DRC4: variants seen among roughly 807,000 people sequenced by gnomAD.
DRC4 encodes GAS-11.
chr16:90,026,851 G>T, the DRC4 span, among the ~76,000 whole-genome samples: 1 of 146,802 alleles, frequency 6.8e-6, no homozygotes, highest in Non-Finnish European at 1.5e-5. Flanking sequence ...CCTGGTCACC[G>T]TATACCAAGG....
chr16:90,032,820 C>T, the DRC4 span: 1 of 1,613,932 alleles, frequency 6.2e-7, no homozygotes, highest in Non-Finnish European at 8.5e-7. Context: ...ACAGAAAGAG[C>T]ACCGCATACA....
the DRC4 span, chr16:90,031,440 C>G: frequency 6.2e-6 from 10 of 1,607,888 alleles, no homozygotes; most frequent in Non-Finnish European, 8.5e-6. Context: ...GGCTGAGCTG[C>G]GGAACAAAGA....
chr16:90,029,432 A>G, the DRC4 span: 3 of 787,948 alleles, frequency 3.8e-6, no homozygotes, highest in South Asian at 1.6e-5. Flanking sequence ...GGATATTTAT[A>G]AGAAATCTGA....
the DRC4 span, among the ~76,000 whole-genome samples, chr16:90,028,172 C>CTTTTTTTTTT: frequency 1.3e-5 from 1 of 75,006 alleles, no homozygotes; most frequent in African/African-American, 5.2e-5. Context: ...ATTAATCGTT[C>CTTTTTTTTTT]ATTTTTTTTT....
At chr16:90,032,307 C>T in the DRC4 span, among the ~76,000 whole-genome samples, 1 of 148,128 alleles carries the variant, frequency 6.8e-6, no homozygotes, top group African/African-American at 2.5e-5. Context: ...AGGTGTGGTA[C>T]AGGTGTGGTG....
At chr16:90,044,542 C>T in the DRC4 span, 102,980 of 471,078 alleles carry the variant, frequency 0.22, 14,738 homozygotes, top group African/African-American at 0.55. Context: ...CCTCTTCCTC[C>T]AGTAGCCCTC....
the DRC4 span, chr16:90,043,908 T>A: frequency 2.2e-6 from 1 of 450,400 alleles, no homozygotes; most frequent in African/African-American, 2.0e-5. Context: ...GCTGCCAGTC[T>A]TCGCTCTAAC....
the DRC4 span, among the ~76,000 whole-genome samples, chr16:90,039,110 G>A: frequency 6.6e-6 from 1 of 152,236 alleles, no homozygotes; most frequent in Non-Finnish European, 1.5e-5. Context: ...CCTAAGGGAA[G>A]GGCACCTGCA....
At chr16:90,043,241 T>G in the DRC4 span, 3 of 1,613,666 alleles carry the variant, frequency 1.9e-6, no homozygotes, top group Non-Finnish European at 2.5e-6. Context: ...GCTGCTGGCC[T>G]TCGGGATCCC....
the DRC4 span, among the ~76,000 whole-genome samples, chr16:90,033,163 G>GA: frequency 2.0e-5 from 3 of 152,022 alleles, no homozygotes; most frequent in African/African-American, 7.3e-5. Flanking sequence ...TCACCGAAGA[G>GA]AAAAAATCCA....
At chr16:90,023,306 C>A in the DRC4 span, among the ~76,000 whole-genome samples, 1 of 152,192 alleles carries the variant, frequency 6.6e-6, no homozygotes, top group Non-Finnish European at 1.5e-5. Flanking sequence ...CCTTGGAAAG[C>A]CTGGCAGGAG....
the DRC4 span, chr16:90,044,670 C>A: frequency 2.2e-6 from 1 of 464,402 alleles, no homozygotes; most frequent in South Asian, 1.6e-5. Flanking sequence ...AAGCCCCCCA[C>A]CCCAGCTTTC....
the DRC4 span, chr16:90,031,371 G>T: frequency 6.2e-7 from 1 of 1,613,802 alleles, no homozygotes; most frequent in Non-Finnish European, 8.5e-7. Context: ...CTTCCAGCTG[G>T]AGCGGGACAA....
the DRC4 span, among the ~76,000 whole-genome samples, chr16:90,030,902 G>A: frequency 6.6e-6 from 1 of 152,188 alleles, no homozygotes; most frequent in East Asian, 1.9e-4. Context: ...GCAGGCGAGA[G>A]CCACCGCGCC....
At chr16:90,036,130 C>A in the DRC4 span, 1 of 576,722 alleles carries the variant, frequency 1.7e-6, no homozygotes, top group Non-Finnish European at 3.0e-6. Flanking sequence ...CTGTTGGCAC[C>A]CCCAGTGCAG....
At chr16:90,034,354 T>G in the DRC4 span, among the ~76,000 whole-genome samples, 9 of 152,202 alleles carry the variant, frequency 5.9e-5, no homozygotes, top group Non-Finnish European at 1.3e-4. Context: ...CCGGGTGCGG[T>G]GGCTCACGCC....
At chr16:90,030,672 A>G in the DRC4 span, among the ~76,000 whole-genome samples, 2 of 152,104 alleles carry the variant, frequency 1.3e-5, no homozygotes, top group African/African-American at 4.8e-5. Flanking sequence ...GCTGGAGTGT[A>G]GTGGCATGAT....
chr16:90,026,911 T>A, the DRC4 span, among the ~76,000 whole-genome samples: 1 of 140,336 alleles, frequency 7.1e-6, no homozygotes, highest in Non-Finnish European at 1.5e-5. Flanking sequence ...TTTTTTTTTT[T>A]AAGTTACAGT....
chr16:90,024,816 AAAAC>A, the DRC4 span, among the ~76,000 whole-genome samples: 1 of 152,078 alleles, frequency 6.6e-6, no homozygotes, highest in African/African-American at 2.4e-5. Flanking sequence ...AAAAAAAACA[AAAAC>A]AAAAACAAAA....
Sources: gnomAD v4.1 joint callset for allele counts (sites outside exome capture counted in the v4.1 genomes callset) on GRCh38, gnomAD v4.1.1 for gene constraint, MANE v1.5 for transcripts, NCBI Gene and HGNC (gene_info 2026-07-23, HGNC 2026-07-21) for gene names.